Variants in CEP128 observed in about 807,000 individuals in gnomAD.
The protein encoded by CEP128 is centrosomal protein 128, also known as centrosomal protein 128kDa.
In CEP128, 132 loss-of-function variants were observed where a neutral mutation model predicts 156.7. The ratio of observed to expected loss-of-function variants is 0.84; its 90% confidence interval spans 0.73 to 0.97. The LOEUF (loss-of-function observed/expected upper bound fraction) is 0.97. Ranked by LOEUF, CEP128 falls within the 50% of genes least tolerant of loss-of-function variation. The probability of loss-of-function intolerance (pLI) is 0.00; values close to 1 mark genes in which losing one functional copy is unlikely to be tolerated. For missense variants in CEP128, 1,252 were observed against 1,281.9 expected (o/e 0.98, Z 0.36); for synonymous variants, 469 against 448.9 (o/e 1.04, Z -0.57).
chr14:80,895,637 A>G (rs1449733351), intron 8 of CEP128, 81 bp downstream of exon 8: 3 of 949,004 alleles, frequency 3.2e-6, no homozygotes, highest in African/African-American at 3.3e-5. Flanking sequence ...GTTAAACTCT[A>G]CTAAACTTCA....
chr14:80,858,044 AC>A (rs1887293111), intron 9 of CEP128, among the ~76,000 whole-genome samples: 1 of 152,186 alleles, frequency 6.6e-6, no homozygotes. Context: ...GGAAAAAACT[AC>A]TTTAAAGTTC....
At chr14:80,794,256 T>C (rs576859033) in intron 13 of CEP128, among the ~76,000 whole-genome samples, 101 of 152,344 alleles carry the variant, frequency 6.6e-4, no homozygotes, top group Middle Eastern at 3.4e-3. Context: ...GATTCTATGA[T>C]CTATGGCTCA....
At chr14:80,663,266 A>G (rs1328314399) in intron 19 of CEP128, among the ~76,000 whole-genome samples, 1 of 152,154 alleles carries the variant, frequency 6.6e-6, no homozygotes, top group African/African-American at 2.4e-5. Context: ...ATGTCCACAA[A>G]TATTTTATTG....
At chr14:80,897,238 C>G (rs1889386423) in intron 7 of CEP128, among the ~76,000 whole-genome samples, 1 of 152,130 alleles carries the variant, frequency 6.6e-6, no homozygotes. Flanking sequence ...AGAATTTCCC[C>G]CATCTCACTA....
intron 19 of CEP128, among the ~76,000 whole-genome samples, chr14:80,678,146 A>C (rs1306169450): frequency 6.6e-6 from 1 of 151,242 alleles, no homozygotes; most frequent in African/African-American, 2.4e-5. Flanking sequence ...TGAATTCCTG[A>C]AGGTAAGCTG....
At position 80,607,174 on chromosome 14, in the gene CEP128, C is replaced by T. The variant is rs182336913; in HGVS notation, c.2807-26751G>A. ...GTTAAATGTGTTATGTACATATTTA[C>T]GTAAATCTATATCATATAGACATAT... On this transcript the variant is annotated intron_variant, in intron 19 of 24. Coordinates refer to ENST00000555265, the MANE Select transcript of CEP128 (RefSeq NM_152446.5). 4.0e-3 allele frequency among the ~76,000 whole-genome samples: 613 copies of T among 151,804 alleles called. 3 individuals are homozygous for T. The highest frequency in any genetic ancestry group is 0.013 in the African/African-American group (555 of 41,428).
At chr14:80,488,036 C>G (rs1887208428), downstream of CEP128, among the ~76,000 whole-genome samples, 1 of 148,036 alleles carries the variant, frequency 6.8e-6, no homozygotes, top group African/African-American at 2.5e-5. Context: ...CAGAGCAGAA[C>G]TGAAGGAAAT....
intron 2 of CEP128, among the ~76,000 whole-genome samples, chr14:80,918,151 C>A (rs1884664472): frequency 6.6e-6 from 1 of 152,200 alleles, no homozygotes; most frequent in South Asian, 2.1e-4. Flanking sequence ...AAGACTGAAG[C>A]AATTGTTTGG....
intron 21 of CEP128, among the ~76,000 whole-genome samples, chr14:80,540,506 C>A (rs1238936814): frequency 1.3e-5 from 2 of 152,196 alleles, no homozygotes; most frequent in Non-Finnish European, 2.9e-5. Context: ...AGCTTGCAGC[C>A]AGGTGAGGCC....
At chr14:80,519,794 C>T (rs1888652938) in intron 23 of CEP128, among the ~76,000 whole-genome samples, 1 of 152,154 alleles carries the variant, frequency 6.6e-6, no homozygotes, top group South Asian at 2.1e-4. Context: ...ATTTTTCCAT[C>T]TACCCATCCA....
In CEP128 at chr14:80,482,240, C is replaced by T. The variant is rs1887069032; in HGVS notation, c.*311-3833G>A. 2.6e-5 allele frequency among the ~76,000 whole-genome samples: 4 copies of T among 152,288 alleles called. No homozygotes were observed. The South Asian group carries it at 8.3e-4, about 32-fold the overall frequency. Reference sequence around the variant, plus strand: ...TACAGAGCTGGGCTTTTAGTAGTCACTGATTGGTGGTGTCTTTTCCTATGT... The same window carrying T: ...TACAGAGCTGGGCTTTTAGTAGTCATTGATTGGTGGTGTCTTTTCCTATGT... On this transcript the variant is annotated intron_variant and NMD_transcript_variant, in intron 14 of 14. Transcript: ENST00000554502.
rs1886180542 is a variant in CEP128, at chr14:80,838,217, G to A, written c.911C>T (p.Thr304Ile). 1.2e-6 allele frequency: 2 copies of A among 1,612,072 alleles called. No homozygotes were observed. The highest frequency in any genetic ancestry group is 4.5e-5 in the East Asian group (2 of 44,814). Residue 304 changes from threonine to isoleucine, a missense_variant, in exon 11 of 25, where the codon ACA (threonine) becomes ATA (isoleucine). Coordinates refer to ENST00000555265, the MANE Select transcript of CEP128 (RefSeq NM_152446.5). Reference sequence around the variant, plus strand: ...GCATAGACTTACCTGATGCAAAAGTGTTTCTCGGCTGCCTTCTGATTGATT... The same window carrying A: ...GCATAGACTTACCTGATGCAAAAGTATTTCTCGGCTGCCTTCTGATTGATT... ...LLNQSEGSRE[T>I]LLHQVEELRT... is the part of the protein sequence containing the mutation.
chr14:80,478,753 C>T lies in CEP128; in HGVS notation c.*311-346G>A, dbSNP rs540080363. 3.3e-5 allele frequency among the ~76,000 whole-genome samples: 5 copies of T among 152,302 alleles called. No homozygotes were observed. The South Asian group carries it at 1.0e-3, about 32-fold the overall frequency. On this transcript the variant is annotated intron_variant and NMD_transcript_variant, in intron 14 of 14. Transcript: ENST00000554502. ...CGTTAGGTACAGAGTATCAACATCC[C>T]CTTCTCTGATACATAGGTAGATTTG...
At chr14:80,736,256 T>TA (rs137895804) in intron 19 of CEP128, among the ~76,000 whole-genome samples, 9,319 of 91,844 alleles carry the variant, frequency 0.1, 961 homozygotes, top group African/African-American at 0.26. Context: ...ATATAAGGTT[T>TA]TAAAAAAAAA....
intron 14 of CEP128, among the ~76,000 whole-genome samples, chr14:80,481,183 G>A (rs1887045071): frequency 6.6e-6 from 1 of 152,164 alleles, no homozygotes; most frequent in Non-Finnish European, 1.5e-5. Context: ...AAGAAAAAGA[G>A]GTTTAACTGG....
intron 24 of CEP128, among the ~76,000 whole-genome samples, chr14:80,498,236 A>T (rs1022313909): frequency 1.3e-5 from 2 of 151,954 alleles, no homozygotes; most frequent in East Asian, 3.9e-4. Context: ...TCTCCCTATC[A>T]ATTTCACCTG....
At chr14:80,779,781 T>A (rs1360131545) in intron 15 of CEP128, among the ~76,000 whole-genome samples, 2 of 152,260 alleles carry the variant, frequency 1.3e-5, no homozygotes, top group Non-Finnish European at 2.9e-5. Flanking sequence ...ACTAACAACT[T>A]ACTTATTGTT....
chr14:80,514,645 T>C, intron 23 of CEP128: 1 of 396,460 alleles, frequency 2.5e-6, no homozygotes, highest in Non-Finnish European at 5.1e-6. Context: ...TCTTGAATTT[T>C]GTGGTGCTAT....
intron 19 of CEP128, among the ~76,000 whole-genome samples, chr14:80,639,066 C>T (rs1894306691): frequency 6.6e-6 from 1 of 152,006 alleles, no homozygotes; most frequent in African/African-American, 2.4e-5. Context: ...CAATGTTAAG[C>T]AATAACAAAT....
Sources: gnomAD v4.1 joint callset for allele counts (sites outside exome capture counted in the v4.1 genomes callset) on GRCh38, gnomAD v4.1.1 for gene constraint, MANE v1.5 for transcripts, NCBI Gene and HGNC (gene_info 2026-07-23, HGNC 2026-07-21) for gene names.